The following VPS8 variants were observed in gnomAD, a reference collection of about 807,000 sequenced individuals.
VPS8 encodes the protein vacuolar protein sorting-associated protein 8 homolog.
VPS8 carries 129 observed loss-of-function variants against 216.4 expected under a neutral mutation model. That is an observed-to-expected ratio of 0.60 (90% CI 0.52 to 0.69). The LOEUF (loss-of-function observed/expected upper bound fraction) is 0.69. VPS8 is among the 30% of genes least tolerant of loss of function. The pLI, the probability that VPS8 is intolerant of heterozygous loss-of-function variation, is 0.00. For missense variants in VPS8, 1,531 were observed against 1,683.5 expected, an observed-to-expected ratio of 0.91 and a Z score of 1.59; for synonymous variants, 571 against 565.4, an observed-to-expected ratio of 1.01 and a Z score of -0.14.
intron 46 of VPS8, among the ~76,000 whole-genome samples, chr3:185,045,852 A>T (rs1561261261): frequency 6.6e-6 from 1 of 151,040 alleles, no homozygotes; most frequent in South Asian, 2.1e-4. Context: ...TACTGCTCCC[A>T]CTTCCACATC....
chr3:184,944,064 A>C (rs911343873), intron 36 of VPS8, among the ~76,000 whole-genome samples: 1 of 144,650 alleles, frequency 6.9e-6, no homozygotes, highest in African/African-American at 2.7e-5. Context: ...CACACACACA[A>C]ACAAACATTT....
intron 36 of VPS8, among the ~76,000 whole-genome samples, chr3:184,950,216 CTTTT>C (rs10700220): frequency 3.3e-4 from 13 of 39,930 alleles, no homozygotes; most frequent in East Asian, 1.1e-3. Flanking sequence ...CAGTTTTCTG[CTTTT>C]TTTTTTTTTT....
At position 184,930,595 on chromosome 3, in the gene VPS8, C is replaced by T; in HGVS notation, c.2898+27C>T. 2.6e-6 allele frequency: 4 copies of T among 1,531,460 alleles called. No individual in the cohort carries two copies. In the South Asian group the frequency reaches 4.5e-5, roughly 17 times the overall value. 94.9% of individuals were successfully genotyped at this position (1,531,460 alleles called of 1,614,324 possible). A position where few individuals can be genotyped will look rare whatever the true frequency, so the allele number is the denominator to read the frequency against. ...TACTGATGCGCAAAACTTCACACTT[C>T]ACCATCTGAACGATCATCTAACCCA... On this transcript the variant is annotated intron_variant, in intron 34 of 47. Coordinates refer to ENST00000625842, the MANE Select transcript of VPS8 (RefSeq NM_001009921.3).
chr3:184,849,189 A>C lies in VPS8; in HGVS notation c.660A>C (p.Lys220Asn). 2 of 1,613,062 alleles carry C rather than the reference A, an allele frequency of 1.2e-6. No homozygotes were observed. The highest frequency in any genetic ancestry group is 1.7e-6 in the Non-Finnish European group (2 of 1,179,262). The change falls in exon 9 of 48, where the codon AAA (lysine) becomes AAC (asparagine). Residue 220 changes from lysine (K) to asparagine (N), a missense_variant. Lys to Asn is a moderately conservative substitution (Grantham distance 94, BLOSUM62 0). Around this residue, in one of 3 missense-constraint regions of VPS8, gnomAD observed 1,318 missense variants for 1,468.4 expected, o/e 0.90. Coordinates refer to ENST00000625842, the MANE Select transcript of VPS8 (RefSeq NM_001009921.3). The stretch of plus-strand genomic sequence containing the variant: ...CAAGACTTCTTTGTGGCTTTGCTAA[A>C]GGACAGGTAAGATATGAACCTCCTT... ...DCSRLLCGFA[K>N]GQITMWDLAS...
intron 15 of VPS8, among the ~76,000 whole-genome samples, chr3:184,862,630 C>T (rs1370875699): frequency 2.0e-5 from 3 of 152,118 alleles, no homozygotes; most frequent in African/African-American, 4.8e-5. Flanking sequence ...TTATAAAAAA[C>T]GATATGCTCT....
chr3:185,014,949 C>G (rs1220699307), intron 45 of VPS8, among the ~76,000 whole-genome samples: 1 of 152,178 alleles, frequency 6.6e-6, no homozygotes, highest in Non-Finnish European at 1.5e-5. Flanking sequence ...GCATGTAGCC[C>G]AGACAAAGTG....
chr3:184,992,754 A>G (rs756432724), intron 42 of VPS8, among the ~76,000 whole-genome samples: 2 of 152,172 alleles, frequency 1.3e-5, no homozygotes, highest in Non-Finnish European at 2.9e-5. Context: ...TGACTCATTT[A>G]TTCACAGTTT....
chr3:184,998,852 C>T (rs942370153), intron 44 of VPS8, among the ~76,000 whole-genome samples: 4 of 151,808 alleles, frequency 2.6e-5, no homozygotes, highest in African/African-American at 9.7e-5. Context: ...TGTTATCAAG[C>T]TACTTAAATA....
intron 21 of VPS8, among the ~76,000 whole-genome samples, chr3:184,883,912 A>G (rs946483809): frequency 1.3e-5 from 2 of 152,174 alleles, no homozygotes; most frequent in Non-Finnish European, 2.9e-5. Context: ...TCCTCCAGAC[A>G]TTCTTGTATG....
intron 21 of VPS8, among the ~76,000 whole-genome samples, chr3:184,872,379 A>T (rs1479509844): frequency 6.6e-6 from 1 of 152,116 alleles, no homozygotes. Context: ...TGACGTTCTG[A>T]TGGAGAAATA....
intron 46 of VPS8, among the ~76,000 whole-genome samples, chr3:185,041,445 C>G (rs1295199334): frequency 1.3e-5 from 2 of 152,056 alleles, no homozygotes; most frequent in Non-Finnish European, 2.9e-5. Context: ...CTATACTATC[C>G]TATGCCCTCT....
chr3:184,925,126 G>T (rs530811517), intron 30 of VPS8, 145 bp downstream of exon 30: 8 of 1,091,318 alleles, frequency 7.3e-6, no homozygotes, highest in Admixed American at 2.8e-5. Flanking sequence ...TCTAAGTTAG[G>T]GGGGTATGTG....
intron 42 of VPS8, among the ~76,000 whole-genome samples, chr3:184,987,316 G>C (rs763666277): frequency 4.6e-5 from 7 of 151,956 alleles, no homozygotes; most frequent in Non-Finnish European, 7.4e-5. Flanking sequence ...GTCTTGCCAT[G>C]TTGACCAGGC....
At chr3:184,968,301 C>A (rs976415517) in intron 39 of VPS8, among the ~76,000 whole-genome samples, 1 of 152,048 alleles carries the variant, frequency 6.6e-6, no homozygotes, top group Non-Finnish European at 1.5e-5. Context: ...ACACTTGGGC[C>A]ACTTCCACTT....
intron 31 of VPS8, 138 bp downstream of exon 31, chr3:184,926,788 G>A: frequency 1.3e-6 from 1 of 799,546 alleles, no homozygotes; most frequent in Non-Finnish European, 2.0e-6. Flanking sequence ...GAGTCAGTGG[G>A]AACCAGAAAA....
intron 37 of VPS8, 114 bp downstream of exon 37, chr3:184,957,635 A>G: frequency 7.7e-7 from 1 of 1,297,696 alleles, no homozygotes; most frequent in Non-Finnish European, 1.0e-6. Flanking sequence ...AACCTTATAA[A>G]TTCTTAGTTG....
At chr3:185,042,444 C>T (rs1450515116) in intron 46 of VPS8, among the ~76,000 whole-genome samples, 2 of 152,162 alleles carry the variant, frequency 1.3e-5, no homozygotes, top group East Asian at 1.9e-4. Flanking sequence ...CAGTATGCCA[C>T]GTGGCAAGAC....
At chr3:184,830,889 T>G (rs1719845821) in intron 3 of VPS8, among the ~76,000 whole-genome samples, 2 of 152,138 alleles carry the variant, frequency 1.3e-5, no homozygotes, top group African/African-American at 4.8e-5. Context: ...AATGGTAAAT[T>G]TGGACCTAAA....
intron 25 of VPS8, among the ~76,000 whole-genome samples, chr3:184,909,700 G>C (rs1736129965): frequency 6.6e-6 from 1 of 152,102 alleles, no homozygotes; most frequent in African/African-American, 2.4e-5. Context: ...AATTATAATA[G>C]CGCTTTAAAA....
Sources: gnomAD v4.1 joint callset for allele counts (sites outside exome capture counted in the v4.1 genomes callset) on GRCh38, gnomAD v4.1.1 for gene constraint, gnomAD v4.1.1 regional missense constraint, MANE v1.5 for transcripts, NCBI Gene and HGNC (gene_info 2026-07-23, HGNC 2026-07-21) for gene names.